CDH13: variants seen among roughly 807,000 people sequenced by gnomAD.
CDH13 encodes the protein cadherin-13.
In CDH13, 24 loss-of-function variants were observed where a neutral mutation model predicts 63.8. That is an observed-to-expected ratio of 0.38 (90% CI 0.27 to 0.53). The LOEUF (loss-of-function observed/expected upper bound fraction) is 0.53, where lower values mean the gene tolerates loss of function less well. Among genes scored for constraint, CDH13 ranks in the 20% least tolerant of loss-of-function variants. CDH13 has a pLI of 0.85. For missense variants in CDH13, 1,049 were observed against 903.1 expected (o/e 1.16, Z -2.07); for synonymous variants, 503 against 355.3 (o/e 1.42, Z -4.67).
chr16:82,838,348 A>T (rs1258103178), intron 1 of CDH13, among the ~76,000 whole-genome samples: 1 of 152,210 alleles, frequency 6.6e-6, no homozygotes, highest in African/African-American at 2.4e-5. Context: ...ACTAGTGTCC[A>T]CTATAGGGAT....
rs9888896 is a variant in CDH13, at chr16:83,031,798, T to C, written c.158-212T>C. Among the ~76,000 whole-genome samples the C allele has an allele frequency of 0.25, 38,678 of 152,064 alleles. 5,160 individuals are homozygous for C. The highest frequency in any genetic ancestry group is 0.29 in the Non-Finnish European group (19,960 of 68,000). ...CAGAGCTTAGCACCTGCCTGGAACA[T>C]GCGAGTTCGTCAAGGACATGTCTTG... is the stretch of plus-strand genomic sequence containing the variant. On this transcript the variant is annotated intron_variant, in intron 2 of 13. Coordinates refer to ENST00000567109, the MANE Select transcript of CDH13 (RefSeq NM_001257.5).
intron 6 of CDH13, among the ~76,000 whole-genome samples, chr16:83,348,033 A>G (rs1452404362): frequency 6.6e-6 from 1 of 152,030 alleles, no homozygotes; most frequent in Non-Finnish European, 1.5e-5. Flanking sequence ...CTACGAAAAA[A>G]ACAAAAATTA....
chr16:83,493,412 C>A (rs74656463), intron 7 of CDH13, among the ~76,000 whole-genome samples: 1 of 152,204 alleles, frequency 6.6e-6, no homozygotes, highest in Admixed American at 6.5e-5. Flanking sequence ...CTGCTGAACT[C>A]ATGGTGCTGG....
rs545462297 is a variant in CDH13, at chr16:83,274,850, T to C, written c.636+57353T>C. ...ATAAGCAAGCTCCCAGGATGAATTT[T>C]GATTTGGATAAGAGTTTGGGGACTT... On this transcript the variant is annotated intron_variant, in intron 5 of 13. Coordinates refer to ENST00000567109, the MANE Select transcript of CDH13 (RefSeq NM_001257.5). Among the ~76,000 whole-genome samples, 13 of 152,300 alleles carry C rather than the reference T, an allele frequency of 8.5e-5. No homozygotes were observed. The South Asian group carries it at 2.7e-3, about 32-fold the overall frequency.
chr16:83,648,865 C>T (rs1416288057), intron 8 of CDH13, among the ~76,000 whole-genome samples: 1 of 151,724 alleles, frequency 6.6e-6, no homozygotes, highest in Non-Finnish European at 1.5e-5. Flanking sequence ...TGTCTCTTTT[C>T]CTAACTTTTT....
intron 1 of CDH13, among the ~76,000 whole-genome samples, chr16:82,774,533 A>G (rs1281962897): frequency 6.6e-6 from 1 of 152,168 alleles, no homozygotes; most frequent in Non-Finnish European, 1.5e-5. Flanking sequence ...GACCTTCAGA[A>G]AAAGAATTAT....
intron 6 of CDH13, among the ~76,000 whole-genome samples, chr16:83,346,841 T>G (rs2090850344): frequency 6.6e-6 from 1 of 152,232 alleles, no homozygotes; most frequent in South Asian, 2.1e-4. Flanking sequence ...TTGAATTTCT[T>G]AAATCACAGA....
At chr16:83,295,530 G>T (rs11149555) in intron 5 of CDH13, among the ~76,000 whole-genome samples, 86,832 of 151,996 alleles carry the variant, frequency 0.57, 24,973 homozygotes, top group South Asian at 0.7. Context: ...TGAATAGACA[G>T]TTTTCTAAAG....
chr16:83,780,628 T>C (rs1018653213), intron 12 of CDH13, among the ~76,000 whole-genome samples: 2 of 152,220 alleles, frequency 1.3e-5, no homozygotes, highest in Non-Finnish European at 2.9e-5. Context: ...AACTTTCTCT[T>C]AACTAATCTG....
chr16:83,058,026 C>G (rs1008970114), intron 3 of CDH13, among the ~76,000 whole-genome samples: 17 of 152,172 alleles, frequency 1.1e-4, no homozygotes, highest in African/African-American at 3.9e-4. Context: ...TGACTCACAG[C>G]AACTTTACTT....
At chr16:82,871,839 T>G (rs544413773) in intron 2 of CDH13, among the ~76,000 whole-genome samples, 2 of 152,166 alleles carry the variant, frequency 1.3e-5, no homozygotes, top group African/African-American at 4.8e-5. Flanking sequence ...TCTCAGAGGG[T>G]TTCCCTCCAA....
chr16:83,390,811 A>T (rs1434844704), intron 6 of CDH13, among the ~76,000 whole-genome samples: 1 of 152,200 alleles, frequency 6.6e-6, no homozygotes, highest in Non-Finnish European at 1.5e-5. Flanking sequence ...CAGCCGAGGT[A>T]GCTGAAGCAG....
intron 8 of CDH13, among the ~76,000 whole-genome samples, chr16:83,623,244 C>G (rs1378339898): frequency 5.9e-5 from 9 of 152,284 alleles, no homozygotes; most frequent in African/African-American, 1.9e-4. Flanking sequence ...ACTCAGTCCC[C>G]TATTACAGAC....
At position 82,885,517 on chromosome 16, in the gene CDH13, A is replaced by G. The variant is rs552166486; in HGVS notation, c.157+27044A>G. On this transcript the variant is annotated intron_variant, in intron 2 of 13. Coordinates refer to ENST00000567109, the MANE Select transcript of CDH13 (RefSeq NM_001257.5). ...CATCCATCCACCCATCCATCTATCC[A>G]TTCATCCATCCATCCATCCATCCAT... Among the ~76,000 whole-genome samples, 26 of 148,684 alleles carry G rather than the reference A, an allele frequency of 1.7e-4. No individual in the cohort carries two copies. The Middle Eastern group carries it at 0.01, about 59-fold the overall frequency.
intron 7 of CDH13, among the ~76,000 whole-genome samples, chr16:83,502,593 T>C (rs1256471408): frequency 6.6e-6 from 1 of 152,192 alleles, no homozygotes; most frequent in Non-Finnish European, 1.5e-5. Context: ...TTTGTGGGCT[T>C]GAAAGAGATG....
intron 1 of CDH13, among the ~76,000 whole-genome samples, chr16:82,779,812 G>T (rs1206623322): frequency 6.6e-6 from 1 of 152,044 alleles, no homozygotes; most frequent in Non-Finnish European, 1.5e-5. Flanking sequence ...GGAAGTCGAG[G>T]GAGATGACTG....
intron 11 of CDH13, among the ~76,000 whole-genome samples, chr16:83,773,206 G>T (rs566001741): frequency 6.6e-6 from 1 of 152,270 alleles, no homozygotes; most frequent in South Asian, 2.1e-4. Flanking sequence ...CAGGTTGGAA[G>T]ATTTACATCT....
At chr16:82,884,476 C>A (rs919874406) in intron 2 of CDH13, 1 of 272,196 alleles carries the variant, frequency 3.7e-6, no homozygotes, top group African/African-American at 2.2e-5. Context: ...TTTTCAAGTC[C>A]TTGGAGGCAC....
intron 6 of CDH13, among the ~76,000 whole-genome samples, chr16:83,451,095 T>A (rs1567681280): frequency 6.6e-6 from 1 of 152,172 alleles, no homozygotes; most frequent in Non-Finnish European, 1.5e-5. Context: ...AGAAACACCT[T>A]CTTCAAGGAG....
Sources: gnomAD v4.1 joint callset for allele counts (sites outside exome capture counted in the v4.1 genomes callset) on GRCh38, gnomAD v4.1.1 for gene constraint, MANE v1.5 for transcripts, NCBI Gene and HGNC (gene_info 2026-07-23, HGNC 2026-07-21) for gene names.